Variants in RIMS4 observed in about 807,000 individuals in gnomAD.
The protein encoded by RIMS4 is regulating synaptic membrane exocytosis 4.
Under a neutral mutation model 29.0 loss-of-function variants are expected in RIMS4, and 9 were observed. The ratio of observed to expected loss-of-function variants is 0.31; its 90% confidence interval spans 0.19 to 0.54. The LOEUF (loss-of-function observed/expected upper bound fraction) is 0.54, where lower values mean the gene tolerates loss of function less well. RIMS4 is among the 20% of genes least tolerant of loss of function. The probability of loss-of-function intolerance (pLI) is 0.94; values close to 1 mark genes in which losing one functional copy is unlikely to be tolerated. For missense variants in RIMS4, 193 were observed against 365.7 expected (o/e 0.53, Z 3.85); for synonymous variants, 130 against 152.9 (o/e 0.85, Z 1.10).
intron 1 of RIMS4, among the ~76,000 whole-genome samples, chr20:44,778,226 C>T (rs2066168968): frequency 6.6e-6 from 1 of 152,238 alleles, no homozygotes; most frequent in South Asian, 2.1e-4. Flanking sequence ...AGGGCCCTAA[C>T]CTTTCCCTTC....
At chr20:44,801,958 C>T (rs1346458350) in intron 1 of RIMS4, among the ~76,000 whole-genome samples, 1 of 152,112 alleles carries the variant, frequency 6.6e-6, no homozygotes, top group Non-Finnish European at 1.5e-5. Context: ...AGGTAGGGTC[C>T]CTGGATCAGT....
intron 1 of RIMS4, among the ~76,000 whole-genome samples, chr20:44,792,862 T>A (rs2066238908): frequency 6.6e-6 from 1 of 152,022 alleles, no homozygotes; most frequent in Non-Finnish European, 1.5e-5. Context: ...CTGGTTCGGG[T>A]CTGTGGGGTC....
intron 1 of RIMS4, among the ~76,000 whole-genome samples, chr20:44,791,728 C>T (rs1211639173): frequency 6.6e-6 from 1 of 152,122 alleles, no homozygotes; most frequent in Non-Finnish European, 1.5e-5. Context: ...ACAAATGACT[C>T]CTTCTCCTCT....
chr20:44,761,547 G>A (rs2066085100), intron 2 of RIMS4, among the ~76,000 whole-genome samples: 1 of 152,228 alleles, frequency 6.6e-6, no homozygotes, highest in Non-Finnish European at 1.5e-5. Context: ...GATAATGCAG[G>A]TGAATGTTCA....
intron 2 of RIMS4, among the ~76,000 whole-genome samples, chr20:44,766,447 T>G (rs1327692606): frequency 1.3e-5 from 2 of 149,788 alleles, no homozygotes; most frequent in African/African-American, 2.5e-5. Flanking sequence ...GGTGGTGGAG[T>G]CCCCACATGG....
At chr20:44,762,886 A>C in intron 2 of RIMS4, among the ~76,000 whole-genome samples, 1 of 152,220 alleles carries the variant, frequency 6.6e-6, no homozygotes, top group Non-Finnish European at 1.5e-5. Context: ...GTGACCTCTG[A>C]CAAGTTGTTA....
intron 1 of RIMS4, 58 bp downstream of exon 1, chr20:44,810,117 C>A (rs1362816835): frequency 9.2e-7 from 1 of 1,084,992 alleles, no homozygotes; most frequent in African/African-American, 1.6e-5. Flanking sequence ...GGGGAGGGGG[C>A]TACCGGACCT....
intron 1 of RIMS4, among the ~76,000 whole-genome samples, chr20:44,804,640 G>A (rs1205909009): frequency 2.0e-5 from 3 of 152,168 alleles, no homozygotes; most frequent in Non-Finnish European, 2.9e-5. Context: ...GCTCTCCTCC[G>A]CATCTCTCCC....
chr20:44,764,528 G>A (rs1452862164), intron 2 of RIMS4, among the ~76,000 whole-genome samples: 1 of 152,140 alleles, frequency 6.6e-6, no homozygotes, highest in Admixed American at 6.5e-5. Context: ...GCTTGTGGAA[G>A]TGGGTGTCGG....
At chr20:44,793,891 G>A (rs1242226096) in intron 1 of RIMS4, among the ~76,000 whole-genome samples, 2 of 152,158 alleles carry the variant, frequency 1.3e-5, no homozygotes, top group Non-Finnish European at 2.9e-5. Context: ...GCAACATAGC[G>A]AGATTCTGTC....
chr20:44,795,258 C>G (rs1394646481), intron 1 of RIMS4, among the ~76,000 whole-genome samples: 1 of 152,234 alleles, frequency 6.6e-6, no homozygotes, highest in Non-Finnish European at 1.5e-5. Flanking sequence ...GCCCAAAGAG[C>G]TGGACTTGAA....
At chr20:44,779,296 T>C (rs1472140950) in intron 1 of RIMS4, among the ~76,000 whole-genome samples, 1 of 152,226 alleles carries the variant, frequency 6.6e-6, no homozygotes, top group African/African-American at 2.4e-5. Flanking sequence ...ATCGCACAGT[T>C]GTAAGTGTAT....
intron 1 of RIMS4, among the ~76,000 whole-genome samples, chr20:44,782,146 A>C (rs2066187220): frequency 6.6e-6 from 1 of 152,216 alleles, no homozygotes; most frequent in African/African-American, 2.4e-5. Flanking sequence ...AAATGATAGA[A>C]TCCACTCCAC....
intron 1 of RIMS4, among the ~76,000 whole-genome samples, chr20:44,793,416 C>T (rs2066241500): frequency 1.3e-5 from 2 of 152,178 alleles, no homozygotes; most frequent in South Asian, 4.1e-4. Flanking sequence ...AGGGAGCCAA[C>T]CCTCAGCCAT....
intron 1 of RIMS4, among the ~76,000 whole-genome samples, chr20:44,789,304 T>A (rs2066222465): frequency 6.6e-6 from 1 of 152,140 alleles, no homozygotes; most frequent in African/African-American, 2.4e-5. Context: ...TTTTTATTAT[T>A]ATAATTTTTT....
chr20:44,763,035 A>C (rs2066092944), intron 2 of RIMS4, among the ~76,000 whole-genome samples: 1 of 152,222 alleles, frequency 6.6e-6, no homozygotes, highest in Non-Finnish European at 1.5e-5. Context: ...GGCATCCATG[A>C]GCACAGGGGT....
chr20:44,761,329 C>CTAT (rs2066084083), intron 2 of RIMS4, among the ~76,000 whole-genome samples: 1 of 152,210 alleles, frequency 6.6e-6, no homozygotes, highest in Admixed American at 6.5e-5. Context: ...TGGCCCCACC[C>CTAT]TATCCCTCAG....
At chr20:44,801,810 G>A (rs945742677) in intron 1 of RIMS4, among the ~76,000 whole-genome samples, 6 of 152,134 alleles carry the variant, frequency 3.9e-5, no homozygotes, top group African/African-American at 1.4e-4. Context: ...AGAAACAAGA[G>A]GGCCTGAAGA....
At position 44,810,510 on chromosome 20, in the gene RIMS4, CGGCGGTGGCGGCGGCGGT is replaced by C. The variant is rs1412695940; in HGVS notation, c.-257_-240del. ...GTGCTGCTGGCGGCGGCGGCGGCGGCGGCGGTGGCGGCGGCGGTGGCGGCGCAGCGCGCTCTGGTCCGC... is the reference window on the plus strand; with the variant it reads ...GTGCTGCTGGCGGCGGCGGCGGCGGCGGCGGCGCAGCGCGCTCTGGTCCGC... On this transcript the variant is annotated 5_prime_UTR_variant, in exon 1 of 6. Coordinates refer to ENST00000372851, the MANE Select transcript of RIMS4 (RefSeq NM_182970.4). Among the ~76,000 whole-genome samples, 1 of 137,498 alleles carries C rather than the reference CGGCGGTGGCGGCGGCGGT, an allele frequency of 7.3e-6. No homozygotes were observed. The highest frequency in any genetic ancestry group is 1.6e-5 in the Non-Finnish European group (1 of 63,938). 90.2% of individuals were successfully genotyped at this position (137,498 alleles called of 152,430 possible). A position where few individuals can be genotyped will look rare whatever the true frequency, so the allele number is the denominator to read the frequency against.
Sources: gnomAD v4.1 joint callset for allele counts (sites outside exome capture counted in the v4.1 genomes callset) on GRCh38, gnomAD v4.1.1 for gene constraint, MANE v1.5 for transcripts, NCBI Gene and HGNC (gene_info 2026-07-23, HGNC 2026-07-21) for gene names.